OPN3: variants seen among roughly 807,000 people sequenced by gnomAD.
The protein encoded by OPN3 is opsin-3.
A neutral mutation model predicts 33.8 loss-of-function variants in OPN3; 29 were observed. That is an observed-to-expected ratio of 0.86 (90% CI 0.64 to 1.17). OPN3 has a LOEUF of 1.17. Ranked by LOEUF, OPN3 falls within the 50% of genes most tolerant of loss-of-function variation. OPN3 has a pLI of 0.00. For missense variants in OPN3, 437 were observed against 514.1 expected (o/e 0.85, Z 1.45); for synonymous variants, 216 against 216.1 (o/e 1.00, Z 0.00).
intron 2 of OPN3, chr1:241,601,119 C>A (rs544469757): frequency 1.3e-5 from 2 of 152,134 alleles, no homozygotes; most frequent in African/African-American, 4.8e-5. Context: ...TTTCTGAAAA[C>A]AAGAAATATT....
chr1:241,633,896 T>A, intron 1 of OPN3: 1 of 1,613,924 alleles, frequency 6.2e-7, no homozygotes, highest in Non-Finnish European at 8.5e-7. Context: ...AGCCTCTGGC[T>A]GCTTATCATC....
chr1:241,601,168 T>G (rs1307126137), intron 2 of OPN3: 1 of 151,644 alleles, frequency 6.6e-6, no homozygotes. Context: ...AAGACAGGAG[T>G]GTCAAGAAAT....
intron 2 of OPN3, among the ~76,000 whole-genome samples, chr1:241,601,817 T>C (rs1038348209): frequency 2.0e-5 from 3 of 152,210 alleles, no homozygotes; most frequent in Admixed American, 2.0e-4. Flanking sequence ...GGGGGAGACA[T>C]GGATGACACA....
In OPN3 at chr1:241,594,322, G is replaced by A. The variant is rs1663428592; in HGVS notation, c.*106C>T. 3 of 1,262,884 alleles carry A rather than the reference G, an allele frequency of 2.4e-6. No individual in the cohort carries two copies. The highest frequency in any genetic ancestry group is 4.7e-5 in the East Asian group (2 of 42,850). 78.2% of individuals were successfully genotyped at this position (1,262,884 alleles called of 1,614,324 possible). A position where few individuals can be genotyped will look rare whatever the true frequency, so the allele number is the denominator to read the frequency against. On this transcript the variant is annotated 3_prime_UTR_variant, in exon 4 of 4. Coordinates refer to ENST00000366554, the MANE Select transcript of OPN3 (RefSeq NM_014322.3). ...TTCGGATTTCCTGCTGGACCACAAG[G>A]TTCTGTTGATATTACATAGAACGGG...
chr1:241,594,454 C>A lies in OPN3; in HGVS notation c.1183G>T (p.Asp395Tyr). 6.2e-7 allele frequency: 1 copy of A among 1,613,466 alleles called. No individual in the cohort carries two copies. The highest frequency in any genetic ancestry group is 8.5e-7 in the Non-Finnish European group (1 of 1,179,508). The change falls in exon 4 of 4, where the codon GAT becomes TAT. Residue 395 changes from aspartate (D) to tyrosine (Y), a missense_variant. Asp to Tyr is a radical substitution (Grantham distance 160, BLOSUM62 -3). Coordinates refer to ENST00000366554, the MANE Select transcript of OPN3 (RefSeq NM_014322.3). ...DSDKTNGSKV[D>Y]VIQVRPL ...TACAAAGGACGAACTTGGATTACAT[C>A]AACTTTGGACCCATTGGTTTTGTCG...
At chr1:241,625,464 TTAATA>T (rs1474896906) in intron 1 of OPN3, among the ~76,000 whole-genome samples, 11 of 152,240 alleles carry the variant, frequency 7.2e-5, no homozygotes, top group Non-Finnish European at 1.5e-4. Flanking sequence ...CTCATTTCTA[TTAATA>T]TAATTGCTTT....
chr1:241,598,801 T>C (rs1439722089), intron 2 of OPN3, among the ~76,000 whole-genome samples: 1 of 152,204 alleles, frequency 6.6e-6, no homozygotes, highest in African/African-American at 2.4e-5. Flanking sequence ...CAAAAATGTG[T>C]TCCTAAATCA....
intron 1 of OPN3, among the ~76,000 whole-genome samples, chr1:241,639,618 G>C (rs536330824): frequency 5.6e-4 from 85 of 151,934 alleles, no homozygotes; most frequent in African/African-American, 1.9e-3. Flanking sequence ...GGGTCAACGT[G>C]GGGGGCAGAT....
intron 1 of OPN3, among the ~76,000 whole-genome samples, chr1:241,622,506 A>G (rs1664292184): frequency 6.6e-6 from 1 of 152,150 alleles, no homozygotes; most frequent in African/African-American, 2.4e-5. Context: ...CCACCCACCC[A>G]ACAATCGATT....
At chr1:241,607,687 AGGAG>A (rs1338601184) in intron 1 of OPN3, among the ~76,000 whole-genome samples, 43 of 148,028 alleles carry the variant, frequency 2.9e-4, no homozygotes, top group Non-Finnish European at 5.7e-4. Context: ...AAAGAGAGAA[AGGAG>A]GGAAGGAAGG....
At chr1:241,617,649 G>T (rs1027810768) in intron 1 of OPN3, among the ~76,000 whole-genome samples, 1 of 152,188 alleles carries the variant, frequency 6.6e-6, no homozygotes, top group Non-Finnish European at 1.5e-5. Flanking sequence ...CACAGAGGGC[G>T]AGTGCGACTC....
chr1:241,629,704 T>A (rs1476255116), intron 1 of OPN3: 1 of 152,136 alleles, frequency 6.6e-6, no homozygotes, highest in African/African-American at 2.4e-5. Context: ...TTTCTTTTTA[T>A]ACTTAACATT....
rs1216379294 is a variant in OPN3, at chr1:241,640,127, C to A, written c.128G>T (p.Arg43Leu). Residue 43 changes from arginine (R) to leucine (L), a missense_variant, in exon 1 of 4, where the codon CGC (arginine) becomes CTC (leucine). Coordinates refer to ENST00000366554, the MANE Select transcript of OPN3 (RefSeq NM_014322.3). The stretch of plus-strand genomic sequence containing the variant: ...AATGGAGCCCAGCAGCAGCGCCAGG[C>A]GCTCGTAGGTGCCGGGGCTGAAGAG... The part of the protein sequence containing the change: ...APLFSPGTYE[R>L]LALLLGSIGL... 12 of 1,595,320 alleles carry A rather than the reference C, an allele frequency of 7.5e-6. No homozygotes were observed. Among genetic ancestry groups the A allele is most frequent in the East Asian group, 2.3e-5 (1 of 42,566 alleles).
At chr1:241,615,341 G>C (rs926171923) in intron 1 of OPN3, among the ~76,000 whole-genome samples, 2 of 151,988 alleles carry the variant, frequency 1.3e-5, no homozygotes, top group Admixed American at 1.3e-4. Context: ...GGAGGCATAC[G>C]CTTTGTTTCC....
intron 1 of OPN3, among the ~76,000 whole-genome samples, chr1:241,622,960 T>C (rs1312991515): frequency 6.6e-6 from 1 of 152,168 alleles, no homozygotes; most frequent in Non-Finnish European, 1.5e-5. Flanking sequence ...GCTTAGTTTC[T>C]TTGTATTTGG....
At chr1:241,608,201 A>G (rs1417599492) in intron 1 of OPN3, among the ~76,000 whole-genome samples, 1 of 152,256 alleles carries the variant, frequency 6.6e-6, no homozygotes, top group Non-Finnish European at 1.5e-5. Flanking sequence ...AAGAAAACTC[A>G]GTACAAATAA....
At chr1:241,617,687 C>T (rs1023255952) in intron 1 of OPN3, among the ~76,000 whole-genome samples, 7 of 152,132 alleles carry the variant, frequency 4.6e-5, no homozygotes, top group African/African-American at 1.7e-4. Context: ...ATCACACGCT[C>T]CACTGTAATT....
At chr1:241,604,207 T>C in intron 2 of OPN3, 53 bp downstream of exon 2, 4 of 1,527,178 alleles carry the variant, frequency 2.6e-6, no homozygotes, top group East Asian at 4.5e-5. Context: ...CCAGACAAAA[T>C]TTTCTACCCT....
intron 1 of OPN3, among the ~76,000 whole-genome samples, chr1:241,609,906 A>G (rs10926524): frequency 0.22 from 33,731 of 152,204 alleles, 4,007 homozygotes; most frequent in East Asian, 0.28. Flanking sequence ...ATGGCTGTCC[A>G]TGGTCCACAG....
Sources: gnomAD v4.1 joint callset for allele counts (sites outside exome capture counted in the v4.1 genomes callset) on GRCh38, gnomAD v4.1.1 for gene constraint, MANE v1.5 for transcripts, NCBI Gene and HGNC (gene_info 2026-07-23, HGNC 2026-07-21) for gene names.